Variants in REPS1 observed in about 807,000 individuals in gnomAD.
REPS1 encodes the protein RALBP1 associated Eps domain containing 1.
Under a neutral mutation model 100.9 loss-of-function variants are expected in REPS1, and 39 were observed. The ratio of observed to expected loss-of-function variants is 0.39; its 90% confidence interval spans 0.30 to 0.50. The LOEUF is 0.50. Ranked by LOEUF, REPS1 falls within the 20% of genes least tolerant of loss-of-function variation. REPS1 has a pLI of 0.86. For synonymous variants in REPS1, 324 were observed against 340.3 expected (o/e 0.95, Z 0.53); for missense variants, 821 against 968.5 (o/e 0.85, Z 2.02).
intron 1 of REPS1, among the ~76,000 whole-genome samples, chr6:138,969,269 A>AT (rs71013004): frequency 0.034 from 2,534 of 74,166 alleles, 438 homozygotes; most frequent in Middle Eastern, 0.047. Flanking sequence ...CAAAGCTGTA[A>AT]TTTTTTTTTT....
chr6:138,976,017 G>A (rs1784584174), intron 1 of REPS1, among the ~76,000 whole-genome samples: 1 of 152,170 alleles, frequency 6.6e-6, no homozygotes, highest in South Asian at 2.1e-4. Context: ...AATACTTGCT[G>A]ACACAGAAAA....
Position 138,921,074 on chromosome 6 carries a change from G to C in REPS1, c.1389C>G (p.Ile463Met), listed in dbSNP as rs777398928. The change falls in exon 11 of 20, where the codon ATC (isoleucine) becomes ATG (methionine). Residue 463 changes from isoleucine (I) to methionine (M), a missense_variant. Transcript: ENST00000450536. ...TTTTAAGTTCCATTTCCTGCATGTGGATTTTGCTTGGAGTCATACGAATGG... is the reference window on the plus strand; with the variant it reads ...TTTTAAGTTCCATTTCCTGCATGTGCATTTTGCTTGGAGTCATACGAATGG... ...PVPIRMTPSK[I>M]HMQEMELKRT... The C allele has an allele frequency of 3.1e-6, 5 of 1,612,950 alleles. No individual in the cohort carries two copies. Among genetic ancestry groups the C allele is most frequent in the Non-Finnish European group, 4.2e-6 (5 of 1,179,406 alleles).
chr6:138,936,589 T>TG (rs1192912192), intron 8 of REPS1, among the ~76,000 whole-genome samples: 46 of 44,768 alleles, frequency 1.0e-3, no homozygotes, highest in Admixed American at 8.3e-3. Flanking sequence ...GACGGCAGGG[T>TG]GGGGGGGGAG....
At chr6:138,912,204 A>G (rs916098480) in intron 16 of REPS1, among the ~76,000 whole-genome samples, 1 of 152,172 alleles carries the variant, frequency 6.6e-6, no homozygotes, top group African/African-American at 2.4e-5. Context: ...ATTCCTAGAG[A>G]GGTTCTTGCC....
intron 1 of REPS1, among the ~76,000 whole-genome samples, chr6:138,958,250 G>A (rs979767789): frequency 2.0e-5 from 3 of 152,176 alleles, no homozygotes; most frequent in African/African-American, 7.2e-5. Context: ...GTTCGAAGTG[G>A]TTTTTGCAGG....
chr6:138,920,234 G>A lies in REPS1; in HGVS notation c.1509C>T (p.Phe503=), dbSNP rs35695721. 479 of 1,578,764 alleles carry A rather than the reference G, an allele frequency of 3.0e-4. No individual in the cohort carries two copies. In the African/African-American group the frequency reaches 5.2e-3, roughly 17 times the overall value. The change falls in exon 12 of 20, where the codon TTC becomes TTT. Residue 503 remains phenylalanine (F), a synonymous_variant. Transcript: ENST00000450536. Reference sequence around the variant, plus strand: ...ACTTACCTACAGTATTACCAGAAGCGAATTTCACCGATGAATTTATCTTAT... The same window carrying A: ...ACTTACCTACAGTATTACCAGAAGCAAATTTCACCGATGAATTTATCTTAT... ...EENKINSSVK[F]ASGNTVADGY...
intron 13 of REPS1, 50 bp from the exon 14 acceptor site, chr6:138,916,026 T>C (rs1416224343): frequency 1.5e-6 from 2 of 1,352,416 alleles, no homozygotes; most frequent in Non-Finnish European, 2.1e-6. Context: ...TATCAGAGCT[T>C]TTTTCTTTTT....
chr6:138,955,973 T>C (rs12661901), intron 1 of REPS1, among the ~76,000 whole-genome samples: 2 of 152,206 alleles, frequency 1.3e-5, no homozygotes, highest in African/African-American at 4.8e-5. Context: ...CTGATCATAG[T>C]GGACTTTATA....
At chr6:138,921,663 C>T (rs534520740) in intron 10 of REPS1, among the ~76,000 whole-genome samples, 25 of 147,718 alleles carry the variant, frequency 1.7e-4, no homozygotes, top group Admixed American at 4.1e-4. Context: ...TGCAACCTTC[C>T]GCCTCCCAGG....
chr6:138,940,338 C>G (rs1279812182), intron 8 of REPS1, among the ~76,000 whole-genome samples: 3 of 152,140 alleles, frequency 2.0e-5, no homozygotes, highest in Non-Finnish European at 4.4e-5. Context: ...ACACTGAAGA[C>G]AGTAATTTAT....
intron 1 of REPS1, among the ~76,000 whole-genome samples, chr6:138,977,871 T>C (rs1435024673): frequency 2.0e-5 from 3 of 152,232 alleles, no homozygotes; most frequent in Non-Finnish European, 4.4e-5. Flanking sequence ...AAGAAGTGCC[T>C]AAGGGTTCCA....
At chr6:138,916,419 C>T (rs1780399312) in intron 13 of REPS1, among the ~76,000 whole-genome samples, 1 of 151,332 alleles carries the variant, frequency 6.6e-6, no homozygotes, top group Admixed American at 6.6e-5. Context: ...CGGAGTTTCA[C>T]CATGTTGGCC....
At chr6:138,916,205 A>C in intron 13 of REPS1, 1 of 430,036 alleles carries the variant, frequency 2.3e-6, no homozygotes, top group Non-Finnish European at 4.1e-6. Flanking sequence ...TATTAAGCAA[A>C]ATTTCTTTTT....
chr6:138,944,741 G>T, intron 4 of REPS1, 119 bp from the exon 5 acceptor site: 1 of 980,404 alleles, frequency 1.0e-6, no homozygotes, highest in Non-Finnish European at 1.5e-6. Context: ...AATCTTTTCT[G>T]TTCTATTAGA....
intron 1 of REPS1, among the ~76,000 whole-genome samples, chr6:138,956,245 T>G (rs1462644194): frequency 6.6e-6 from 1 of 151,980 alleles, no homozygotes; most frequent in Non-Finnish European, 1.5e-5. Context: ...ACAGAAAATT[T>G]CAATAAATTT....
intron 16 of REPS1, among the ~76,000 whole-genome samples, chr6:138,911,681 C>A (rs1162525059): frequency 1.6e-5 from 2 of 126,014 alleles, no homozygotes; most frequent in African/African-American, 3.2e-5. Context: ...GAGGATGGGG[C>A]GAGGATGCAG....
intron 10 of REPS1, among the ~76,000 whole-genome samples, chr6:138,921,655 C>A (rs1222210111): frequency 7.3e-6 from 1 of 136,406 alleles, no homozygotes; most frequent in East Asian, 2.4e-4. Flanking sequence ...TGGCTCACTG[C>A]AACCTTCCGC....
At chr6:138,916,210 CTTTTTTTCTT>C in intron 13 of REPS1, 1 of 223,522 alleles carries the variant, frequency 4.5e-6, no homozygotes, top group South Asian at 6.1e-5. Context: ...AGCAAAATTT[CTTTTTTTCTT>C]TTTTTTTTTT....
At position 138,918,148 on chromosome 6, in the gene REPS1, G is replaced by A. The variant is rs547980515; in HGVS notation, c.1529-521C>T. ...TTTTGGGGGTTAGAAATGAGGTCTC[G>A]CTATATTGTCCAGTCTGGTCTCTAA... On this transcript the variant is annotated intron_variant, in intron 12 of 19. Transcript: ENST00000450536. 1.3e-4 allele frequency among the ~76,000 whole-genome samples: 19 copies of A among 151,728 alleles called. No homozygotes were observed. In the South Asian group the frequency reaches 3.5e-3, roughly 28 times the overall value.
Sources: allele counts gnomAD v4.1 joint callset (sites outside exome capture counted in the v4.1 genomes callset), GRCh38; gene constraint gnomAD v4.1.1; transcripts MANE v1.5; gene names NCBI Gene and HGNC (gene_info 2026-07-23, HGNC 2026-07-21).